Variants in MOV10L1 observed in about 807,000 individuals in gnomAD.
The protein encoded by MOV10L1 is Mov10 like RNA helicase 1, also known as RNA helicase Mov10l1.
A neutral mutation model predicts 143.8 loss-of-function variants in MOV10L1; 110 were observed. The observed-to-expected ratio is 0.76, with a 90% CI of 0.66 to 0.90. The LOEUF (loss-of-function observed/expected upper bound fraction) is 0.90, where lower values mean the gene tolerates loss of function less well. Ranked by LOEUF, MOV10L1 falls within the 40% of genes least tolerant of loss-of-function variation. The pLI is 0.00. For synonymous variants in MOV10L1, 593 were observed against 581.1 expected (o/e 1.02, Z -0.29); for missense variants, 1,406 against 1,526.8 (o/e 0.92, Z 1.32).
At chr22:50,100,399 C>T (rs532306576) in intron 3 of MOV10L1, among the ~76,000 whole-genome samples, 1 of 152,164 alleles carries the variant, frequency 6.6e-6, no homozygotes, top group Non-Finnish European at 1.5e-5. Context: ...GTGTTATGAT[C>T]TAAGTTAGTG....
intron 15 of MOV10L1, among the ~76,000 whole-genome samples, chr22:50,140,059 A>T (rs1602300239): frequency 6.6e-6 from 1 of 152,296 alleles, no homozygotes; most frequent in East Asian, 1.9e-4. Context: ...GTTTTTAATC[A>T]CCAAAAACGA....
chr22:50,122,368 G>A (rs1194275382), intron 10 of MOV10L1, among the ~76,000 whole-genome samples: 4 of 152,140 alleles, frequency 2.6e-5, no homozygotes, highest in African/African-American at 9.7e-5. Flanking sequence ...GTGTTGTTTA[G>A]AAATGAAGAT....
rs745400299 is a variant in MOV10L1, at chr22:50,113,700, A to G, written c.796A>G (p.Lys266Glu). 2 of 1,613,984 alleles carry G rather than the reference A, an allele frequency of 1.2e-6. No individual in the cohort carries two copies. Among genetic ancestry groups the G allele is most frequent in the African/African-American group, 2.7e-5 (2 of 74,908 alleles). ...TCATTTCTATGGAACGATTTTGCTGAAGAACAAAGGTGATATTGAAGTTAC... is the reference window on the plus strand; with the variant it reads ...TCATTTCTATGGAACGATTTTGCTGGAGAACAAAGGTGATATTGAAGTTAC... ...ATHFYGTILL[K>E]NKGDIEVTQV... Residue 266 changes from lysine to glutamate, a missense_variant, in exon 6 of 27, where the codon AAG becomes GAG. Lys to Glu is a moderately conservative substitution (Grantham distance 56). Transcript: ENST00000262794.
At chr22:50,146,598 G>A (rs1210622916) in intron 19 of MOV10L1, among the ~76,000 whole-genome samples, 3 of 152,002 alleles carry the variant, frequency 2.0e-5, no homozygotes, top group African/African-American at 2.4e-5. Flanking sequence ...CCTCCCTGAC[G>A]GCCTGGAGAC....
rs1226207805 is a variant in MOV10L1 at position 50,143,207 on chromosome 22, G to A, written c.2344G>A (p.Glu782Lys). The change falls in exon 17 of 27, where the codon GAG (glutamate) becomes AAG (lysine). Residue 782 changes from glutamate (E) to lysine (K), a missense_variant. Physicochemically the swap from Glu to Lys is moderately conservative, Grantham distance 56 (BLOSUM62 1). Coordinates refer to ENST00000262794, the MANE Select transcript of MOV10L1 (RefSeq NM_018995.3). ...TACTGGAAAGACAGTGACAATAATA[G>A]AGGCTGTTTTACAGGTAAGGACAGC... ...PGTGKTVTII[E>K]AVLQVHFALP... 2 of 1,614,094 alleles carry A rather than the reference G, an allele frequency of 1.2e-6. No individual in the cohort carries two copies. The highest frequency in any genetic ancestry group is 4.5e-5 in the East Asian group (2 of 44,876).
intron 2 of MOV10L1, among the ~76,000 whole-genome samples, chr22:50,097,833 G>T (rs1488064834): frequency 1.3e-5 from 2 of 151,858 alleles, no homozygotes; most frequent in East Asian, 1.9e-4. Context: ...CATTTGTTGG[G>T]TTTTTTTGTT....
chr22:50,161,510 C>G lies in MOV10L1; in HGVS notation c.*61C>G. 6.7e-7 allele frequency: 1 copy of G among 1,489,122 alleles called. No individual in the cohort carries two copies. The highest frequency in any genetic ancestry group is 1.2e-5 in the South Asian group (1 of 80,152). The allele number at this position is 1,489,122 out of a possible 1,614,324, so 92.2% of individuals were successfully genotyped here. ...AGCCTGGCCACGTTGCCGTTACAGT[C>G]TGCTCCGTGGCTCCTGTGGCCTGCC... is the stretch of plus-strand genomic sequence containing the variant. On this transcript the variant is annotated 3_prime_UTR_variant, in exon 27 of 27. Coordinates refer to ENST00000262794, the MANE Select transcript of MOV10L1 (RefSeq NM_018995.3).
At position 50,125,652 on chromosome 22, in the gene MOV10L1, T is replaced by C. The variant is rs2062478286; in HGVS notation, c.1747+83T>C. On this transcript the variant is annotated intron_variant, in intron 11 of 26. Coordinates refer to ENST00000262794, the MANE Select transcript of MOV10L1 (RefSeq NM_018995.3). ...AGAAGATACTCTTTAACTGGCAATA[T>C]GACAGTCACATTATCGCATTTTCTT... 5.9e-6 allele frequency: 8 copies of C among 1,366,670 alleles called. No homozygotes were observed. The South Asian group carries it at 8.6e-5, about 15-fold the overall frequency. The allele number at this position is 1,366,670 out of a possible 1,614,324, so 84.7% of individuals were successfully genotyped here.
chr22:50,118,038 C>T (rs1196272506), intron 9 of MOV10L1, among the ~76,000 whole-genome samples: 1 of 152,072 alleles, frequency 6.6e-6, no homozygotes, highest in African/African-American at 2.4e-5. Context: ...TGCTACTACC[C>T]CAGACCTCCC....
chr22:50,113,436 G>A (rs1313233300), intron 5 of MOV10L1, among the ~76,000 whole-genome samples: 1 of 152,132 alleles, frequency 6.6e-6, no homozygotes, highest in Non-Finnish European at 1.5e-5. Flanking sequence ...CTGTCCCCTG[G>A]GCTGCTCCCT....
intron 2 of MOV10L1, 89 bp from the exon 3 acceptor site, chr22:50,099,354 C>T: frequency 6.8e-7 from 1 of 1,479,790 alleles, no homozygotes; most frequent in African/African-American, 1.4e-5. Context: ...ACTTGCAGCC[C>T]TAATGGTCTC....
intron 13 of MOV10L1, among the ~76,000 whole-genome samples, chr22:50,131,332 A>G (rs540166161): frequency 2.0e-5 from 3 of 152,310 alleles, no homozygotes; most frequent in South Asian, 4.1e-4. Flanking sequence ...AGATGTTTGT[A>G]TAGTTTCAGT....
At chr22:50,141,632 C>T (rs374004836) in intron 15 of MOV10L1, among the ~76,000 whole-genome samples, 39 of 152,044 alleles carry the variant, frequency 2.6e-4, no homozygotes, top group African/African-American at 8.7e-4. Context: ...GAGCCCCGTG[C>T]CCGGCCTGGT....
Position 50,142,129 on chromosome 22 carries a change from C to T in MOV10L1, c.2119C>T (p.Arg707Cys), listed in dbSNP as rs762581438. The T allele has an allele frequency of 1.2e-6, 2 of 1,613,348 alleles. No individual in the cohort carries two copies. The highest frequency in any genetic ancestry group is 1.7e-6 in the Non-Finnish European group (2 of 1,179,688). ...AGCTGAGCATGGAACAGAGGAGAGG[C>T]GTGTTGGTGACAAGGACCTGCCGGT... Reference protein sequence around the residue: ...DQAEHGTEERRVGDKDLPVLA... With the variant: ...DQAEHGTEERCVGDKDLPVLA... The change falls in exon 16 of 27, where the codon CGT becomes TGT. Residue 707 changes from arginine (R) to cysteine (C), a missense_variant. Physicochemically the swap from Arg to Cys is radical, Grantham distance 180. Coordinates refer to ENST00000262794, the MANE Select transcript of MOV10L1 (RefSeq NM_018995.3).
At position 50,108,140 on chromosome 22, in the gene MOV10L1, C is replaced by T. The variant is rs749600320; in HGVS notation, c.447C>T (p.Phe149=). ...CTTTTTTCCTGGCGGTTTTAGGCTT[C>T]GAGCCCTGCAAGGGAGACTGGGTGG... ...YFSLESVCEG[F]EPCKGDWVEA... is the part of the protein sequence containing the mutation. The change falls in exon 4 of 27, where the codon TTC becomes TTT. Residue 149 remains phenylalanine (F), a synonymous_variant. Coordinates refer to ENST00000262794, the MANE Select transcript of MOV10L1 (RefSeq NM_018995.3). The T allele has an allele frequency of 1.1e-5, 18 of 1,613,512 alleles. No individual in the cohort carries two copies. Among genetic ancestry groups the T allele is most frequent in the Middle Eastern group, 1.6e-4 (1 of 6,078 alleles).
chr22:50,155,351 T>A (rs2063398957), intron 22 of MOV10L1, among the ~76,000 whole-genome samples: 1 of 151,292 alleles, frequency 6.6e-6, no homozygotes, highest in Admixed American at 6.6e-5. Context: ...ACCTCCGCCT[T>A]CCAGGTTCAA....
chr22:50,120,877 G>C (rs2062321590), intron 10 of MOV10L1, among the ~76,000 whole-genome samples: 1 of 152,260 alleles, frequency 6.6e-6, no homozygotes, highest in Non-Finnish European at 1.5e-5. Context: ...GTCTGGAGCA[G>C]AAGAACTGAG....
intron 26 of MOV10L1, 144 bp from the exon 27 acceptor site, chr22:50,161,224 C>G: frequency 1.0e-6 from 1 of 977,318 alleles, no homozygotes; most frequent in African/African-American, 1.6e-5. Context: ...GTTTCCTGGA[C>G]ATTTGGGGTC....
chr22:50,096,776 A>G (rs2062600345), intron 2 of MOV10L1, among the ~76,000 whole-genome samples: 1 of 151,918 alleles, frequency 6.6e-6, no homozygotes. Flanking sequence ...CCATCTATAT[A>G]TCTTCTTTGG....
Sources: gnomAD v4.1 joint callset for allele counts (sites outside exome capture counted in the v4.1 genomes callset) on GRCh38, gnomAD v4.1.1 for gene constraint, MANE v1.5 for transcripts, NCBI Gene and HGNC (gene_info 2026-07-23, HGNC 2026-07-21) for gene names.